The following TMOD3 variants were observed in gnomAD, a reference collection of about 807,000 sequenced individuals.
TMOD3 encodes the protein tropomodulin-3.
TMOD3 carries 20 observed loss-of-function variants against 39.2 expected under a neutral mutation model. The ratio of observed to expected loss-of-function variants is 0.51; its 90% confidence interval spans 0.36 to 0.74. The LOEUF (loss-of-function observed/expected upper bound fraction) is 0.74, where lower values mean the gene tolerates loss of function less well. Among genes scored for constraint, TMOD3 ranks in the 30% least tolerant of loss-of-function variants. TMOD3 has a pLI of 0.00. For synonymous variants in TMOD3, 143 were observed against 145.8 expected, an observed-to-expected ratio of 0.98 and a Z score of 0.14; for missense variants, 381 against 412.8, an observed-to-expected ratio of 0.92 and a Z score of 0.67.
intron 5 of TMOD3, among the ~76,000 whole-genome samples, chr15:51,890,432 CT>C (rs1321082036): frequency 1.3e-5 from 2 of 151,700 alleles, no homozygotes; most frequent in African/African-American, 4.9e-5. Flanking sequence ...CCACCTCAGC[CT>C]CCCAAAGTGC....
At chr15:51,832,745 T>C (rs2141663040) in intron 1 of TMOD3, among the ~76,000 whole-genome samples, 1 of 152,244 alleles carries the variant, frequency 6.6e-6, no homozygotes, top group African/African-American at 2.4e-5. Context: ...GATAAAAGTA[T>C]ACCTGGATAG....
At chr15:51,860,649 T>C (rs1426370212) in intron 1 of TMOD3, 2 of 529,492 alleles carry the variant, frequency 3.8e-6, no homozygotes, top group African/African-American at 1.9e-5. Context: ...AAAAACTACA[T>C]AGGAGGCCAG....
chr15:51,854,005 G>C (rs562788242), intron 1 of TMOD3, among the ~76,000 whole-genome samples: 2 of 152,134 alleles, frequency 1.3e-5, no homozygotes, highest in Non-Finnish European at 2.9e-5. Flanking sequence ...AAGGAATAGA[G>C]AGGCCTAAAG....
Position 51,913,155 on chromosome 15 carries a change from A to C in TMOD3, c.*4345A>C, listed in dbSNP as rs887654917. 1 of 151,900 alleles carries C rather than the reference A, an allele frequency of 6.6e-6. No individual in the cohort carries two copies. Among genetic ancestry groups the C allele is most frequent in the African/African-American group, 2.4e-5 (1 of 41,438 alleles). 9.4% of individuals were successfully genotyped at this position (151,900 alleles called of 1,614,324 possible). A position where few individuals can be genotyped will look rare whatever the true frequency, so the allele number is the denominator to read the frequency against. On this transcript the variant is annotated 3_prime_UTR_variant, in exon 10 of 10. Transcript: ENST00000308580. ...CGCCCGGATAACTTTTTGTATTTTT[A>C]ATAGAGACGGGGTTTCACCATGTTG...
intron 1 of TMOD3, among the ~76,000 whole-genome samples, chr15:51,838,546 C>G (rs2056297802): frequency 6.6e-6 from 1 of 152,098 alleles, no homozygotes; most frequent in African/African-American, 2.4e-5. Flanking sequence ...AGTCTCTGTC[C>G]TCTCTCTGCT....
intron 1 of TMOD3, among the ~76,000 whole-genome samples, chr15:51,851,677 A>G (rs1449294022): frequency 6.6e-5 from 10 of 152,232 alleles, no homozygotes; most frequent in African/African-American, 2.2e-4. Context: ...TCAGCTCCTC[A>G]GGATAAAAAT....
chr15:51,863,754 A>G (rs1347432345), intron 2 of TMOD3, among the ~76,000 whole-genome samples: 1 of 152,184 alleles, frequency 6.6e-6, no homozygotes, highest in African/African-American at 2.4e-5. Context: ...AGTATCCTCT[A>G]AGGACTGAGA....
intron 1 of TMOD3, among the ~76,000 whole-genome samples, chr15:51,854,366 T>C (rs1239992475): frequency 1.3e-5 from 2 of 152,196 alleles, no homozygotes; most frequent in Non-Finnish European, 2.9e-5. Flanking sequence ...CTAACCCTGT[T>C]GTGGGTAATA....
intron 1 of TMOD3, among the ~76,000 whole-genome samples, chr15:51,846,479 G>A (rs1173337237): frequency 6.6e-6 from 1 of 152,164 alleles, no homozygotes; most frequent in Admixed American, 6.5e-5. Flanking sequence ...GTTTATTTTA[G>A]GTTTTATGTG....
chr15:51,884,803 C>T (rs1345885123), intron 3 of TMOD3: 4 of 152,266 alleles, frequency 2.6e-5, no homozygotes, highest in Non-Finnish European at 5.9e-5. Context: ...AAGAGAAAAA[C>T]AAAGGAACCT....
chr15:51,887,281 T>C (rs1393978235), intron 3 of TMOD3, among the ~76,000 whole-genome samples: 1 of 149,584 alleles, frequency 6.7e-6, no homozygotes, highest in Non-Finnish European at 1.5e-5. Flanking sequence ...TAAAGTTTTA[T>C]AGGTTTTTTG....
chr15:51,877,220 A>G (rs569752450), intron 3 of TMOD3, among the ~76,000 whole-genome samples: 1 of 152,098 alleles, frequency 6.6e-6, no homozygotes, highest in Admixed American at 6.5e-5. Context: ...TTCTGGATCA[A>G]ATTTTCCTGT....
At chr15:51,845,013 A>G (rs2056328834) in intron 1 of TMOD3, among the ~76,000 whole-genome samples, 2 of 152,340 alleles carry the variant, frequency 1.3e-5, no homozygotes, top group South Asian at 4.1e-4. Context: ...GTACATATCT[A>G]GCATGATTCA....
In TMOD3 at chr15:51,914,236, G is replaced by C. The variant is rs1295086130; in HGVS notation, c.*5426G>C. 1 of 152,180 alleles carries C rather than the reference G, an allele frequency of 6.6e-6. No individual in the cohort carries two copies. The highest frequency in any genetic ancestry group is 2.4e-5 in the African/African-American group (1 of 41,416). 9.4% of individuals were successfully genotyped at this position (152,180 alleles called of 1,614,324 possible). On this transcript the variant is annotated 3_prime_UTR_variant, in exon 10 of 10. Transcript: ENST00000308580. ...GGAGGTTGAAGCAGCAGTGAGCTTT[G>C]ATCATGCCACTGCATTCCAGCCTGG...
At chr15:51,876,213 G>C (rs892914588) in intron 3 of TMOD3, among the ~76,000 whole-genome samples, 1 of 152,130 alleles carries the variant, frequency 6.6e-6, no homozygotes, top group Admixed American at 6.5e-5. Flanking sequence ...CTGTTGTCCA[G>C]ACTGGAGAGC....
intron 1 of TMOD3, among the ~76,000 whole-genome samples, chr15:51,842,845 T>C (rs2056318963): frequency 6.6e-6 from 1 of 152,232 alleles, no homozygotes; most frequent in South Asian, 2.1e-4. Flanking sequence ...CTATTGTAAC[T>C]ACTACTCCCT....
At chr15:51,832,419 C>G (rs1406723048) in intron 1 of TMOD3, among the ~76,000 whole-genome samples, 1 of 151,664 alleles carries the variant, frequency 6.6e-6, no homozygotes, top group Admixed American at 6.6e-5. Flanking sequence ...ATTCACTGGT[C>G]ATCTCTTTCC....
chr15:51,872,501 ATAGT>A (rs1256952622), intron 3 of TMOD3, among the ~76,000 whole-genome samples: 20 of 151,982 alleles, frequency 1.3e-4, no homozygotes, highest in African/African-American at 4.8e-4. Flanking sequence ...GTCTAATACA[ATAGT>A]TAGTTCTGTC....
chr15:51,843,353 A>C (rs2056321433), intron 1 of TMOD3, among the ~76,000 whole-genome samples: 1 of 152,214 alleles, frequency 6.6e-6, no homozygotes, highest in Non-Finnish European at 1.5e-5. Flanking sequence ...TGATTAAAGC[A>C]GAGGATTCCT....
Sources: gnomAD v4.1 joint callset for allele counts (sites outside exome capture counted in the v4.1 genomes callset) on GRCh38, gnomAD v4.1.1 for gene constraint, MANE v1.5 for transcripts, NCBI Gene and HGNC (gene_info 2026-07-23, HGNC 2026-07-21) for gene names.